HSD17B4: variants seen among roughly 807,000 people sequenced by gnomAD.
HSD17B4 encodes the protein hydroxysteroid 17-beta dehydrogenase 4.
HSD17B4 carries 70 observed loss-of-function variants against 101.0 expected under a neutral mutation model. The observed-to-expected ratio is 0.69, with a 90% CI of 0.57 to 0.85. HSD17B4 has a LOEUF of 0.85. HSD17B4 is among the 40% of genes least tolerant of loss of function. HSD17B4 has a pLI of 0.00. For missense variants in HSD17B4, 984 were observed against 892.4 expected (o/e 1.10, Z -1.31); for synonymous variants, 347 against 297.1 (o/e 1.17, Z -1.73).
In HSD17B4 at chr5:119,496,439, G is replaced by A. The variant is rs1324551202; in HGVS notation, c.869-104G>A. 9.5e-6 allele frequency: 7 copies of A among 740,340 alleles called. No homozygotes were observed. The East Asian group carries it at 1.5e-4, about 16-fold the overall frequency. 45.9% of individuals were successfully genotyped at this position (740,340 alleles called of 1,614,324 possible). ...GAGTGGCAATGGAGGCTCTGTAGCA[G>A]GTTTGCTGAATGTTATAGGAATAAT... is the stretch of plus-strand genomic sequence containing the variant. On this transcript the variant is annotated intron_variant, in intron 11 of 23. Coordinates refer to ENST00000510025, the MANE Select transcript of HSD17B4 (RefSeq NM_000414.4).
chr5:119,511,998 T>C (rs1752217979), intron 16 of HSD17B4, among the ~76,000 whole-genome samples: 2 of 152,170 alleles, frequency 1.3e-5, no homozygotes, highest in South Asian at 4.1e-4. Flanking sequence ...GCTTAAATGT[T>C]ACTAAATATA....
chr5:119,496,717 T>TCTTCCTCCCCTACTTC, intron 12 of HSD17B4, 71 bp downstream of exon 12: 1 of 835,840 alleles, frequency 1.2e-6, no homozygotes, highest in Non-Finnish European at 2.1e-6. Context: ...CTCCCTGCTT[T>TCTTCCTCCCCTACTTC]CTTCCTCCCC....
At chr5:119,488,894 T>C (rs1398427768) in intron 8 of HSD17B4, among the ~76,000 whole-genome samples, 1 of 152,168 alleles carries the variant, frequency 6.6e-6, no homozygotes, top group East Asian at 1.9e-4. Flanking sequence ...AATACAGTTT[T>C]GCTCACCAAT....
At chr5:119,526,123 T>G in intron 19 of HSD17B4, 100 bp downstream of exon 19, 2 of 742,668 alleles carry the variant, frequency 2.7e-6, no homozygotes, top group East Asian at 5.2e-5. Flanking sequence ...GATATTGTAC[T>G]ACAGCAATGT....
intron 1 of HSD17B4, 49 bp downstream of exon 1, chr5:119,452,682 G>A: frequency 6.2e-7 from 1 of 1,611,906 alleles, no homozygotes; most frequent in Non-Finnish European, 8.5e-7. Context: ...GGCGCAGCTG[G>A]CTGCTCTTTT....
Position 119,475,705 on chromosome 5 carries a change from G to T in HSD17B4, c.281-1G>T. 6.3e-7 allele frequency: 1 copy of T among 1,591,626 alleles called. No individual in the cohort carries two copies. Among genetic ancestry groups the T allele is most frequent in the East Asian group, 2.2e-5 (1 of 44,610 alleles). Reference sequence around the variant, plus strand: ...GTAACTTGTATCTTTTTATATTGTAGATGTTGTGGTCAACAATGCTGGGTG... The same window carrying T: ...GTAACTTGTATCTTTTTATATTGTATATGTTGTGGTCAACAATGCTGGGTG... On this transcript the variant is annotated splice_acceptor_variant, in intron 4 of 23. Coordinates refer to ENST00000510025, the MANE Select transcript of HSD17B4 (RefSeq NM_000414.4). LOFTEE classifies it high-confidence loss of function.
At chr5:119,501,281 C>G (rs1201621866) in intron 13 of HSD17B4, among the ~76,000 whole-genome samples, 3 of 150,904 alleles carry the variant, frequency 2.0e-5, no homozygotes, top group African/African-American at 7.3e-5. Context: ...CTTCATTTGT[C>G]TTCTCATCAA....
At chr5:119,505,621 A>G (rs548345660) in intron 14 of HSD17B4, among the ~76,000 whole-genome samples, 2 of 152,216 alleles carry the variant, frequency 1.3e-5, no homozygotes, top group South Asian at 4.1e-4. Flanking sequence ...TTGACTCATT[A>G]TCAGTTCTAG....
At chr5:119,509,645 C>A (rs535010158) in intron 16 of HSD17B4, among the ~76,000 whole-genome samples, 1 of 152,210 alleles carries the variant, frequency 6.6e-6, no homozygotes, top group African/African-American at 2.4e-5. Flanking sequence ...AACAAGGCCC[C>A]AGGAAACTCC....
At chr5:119,452,976 C>T (rs949247026) in intron 1 of HSD17B4, among the ~76,000 whole-genome samples, 10 of 152,356 alleles carry the variant, frequency 6.6e-5, no homozygotes, top group African/African-American at 2.2e-4. Context: ...GCAATTAACT[C>T]TCTTAGATCT....
chr5:119,517,870 A>T lies in HSD17B4; in HGVS notation c.1503+2824A>T, dbSNP rs192877078. On this transcript the variant is annotated intron_variant, in intron 17 of 23. Coordinates refer to ENST00000510025, the MANE Select transcript of HSD17B4 (RefSeq NM_000414.4). ...AGGGTTTGTGAATGCACCAATTGAT[A>T]CTCTGTATTTAGCTACTCTGGTGGG... Among the ~76,000 whole-genome samples, 23 of 152,106 alleles carry T rather than the reference A, an allele frequency of 1.5e-4. No individual in the cohort carries two copies. In the South Asian group the frequency reaches 1.9e-3, roughly 12 times the overall value.
intron 23 of HSD17B4, among the ~76,000 whole-genome samples, chr5:119,537,241 T>C (rs1364766841): frequency 3.9e-5 from 6 of 152,168 alleles, no homozygotes; most frequent in Non-Finnish European, 7.4e-5. Context: ...ATGATTTTCC[T>C]GTATAGAAAG....
At chr5:119,476,630 T>G in intron 6 of HSD17B4, 1 of 985,320 alleles carries the variant, frequency 1.0e-6, no homozygotes, top group Non-Finnish European at 1.2e-6. Context: ...GCTTCCCTTG[T>G]AACAACTGGG....
chr5:119,531,470 C>T, intron 22 of HSD17B4, 66 bp downstream of exon 22: 1 of 1,484,284 alleles, frequency 6.7e-7, no homozygotes, highest in Admixed American at 1.7e-5. Flanking sequence ...ATCTTTTTAA[C>T]AATTAAAGAC....
Position 119,529,948 on chromosome 5 carries a change from A to C in HSD17B4, c.1822A>C (p.Thr608Pro), listed in dbSNP as rs762176769. ...AAATGCATATGTGGATCTTGCACCAACATCTGGTACTTCAGCTAAGACACC... is the reference window on the plus strand; with the variant it reads ...AAATGCATATGTGGATCTTGCACCACCATCTGGTACTTCAGCTAAGACACC... ...ISNAYVDLAP[T>P]SGTSAKTPSE... Residue 608 changes from threonine to proline, a missense_variant, in exon 21 of 24, where the codon ACA becomes CCA. Physicochemically the swap from Thr to Pro is conservative, Grantham distance 38. Coordinates refer to ENST00000510025, the MANE Select transcript of HSD17B4 (RefSeq NM_000414.4). 1 of 1,610,134 alleles carries C rather than the reference A, an allele frequency of 6.2e-7. No homozygotes were observed. Among genetic ancestry groups the C allele is most frequent in the South Asian group, 1.1e-5 (1 of 90,996 alleles).
chr5:119,501,891 T>C, intron 13 of HSD17B4, 150 bp from the exon 14 acceptor site: 1 of 623,678 alleles, frequency 1.6e-6, no homozygotes, highest in South Asian at 2.1e-5. Flanking sequence ...TTCAATCACA[T>C]GATTAAGAAG....
chr5:119,467,223 T>A (rs1332403439), intron 2 of HSD17B4, among the ~76,000 whole-genome samples: 7 of 152,218 alleles, frequency 4.6e-5, no homozygotes, highest in African/African-American at 1.7e-4. Flanking sequence ...TGTGCTGATG[T>A]GTATCTGCAG....
chr5:119,510,145 A>G (rs1042748124), intron 16 of HSD17B4, among the ~76,000 whole-genome samples: 4 of 152,192 alleles, frequency 2.6e-5, no homozygotes, highest in African/African-American at 7.2e-5. Flanking sequence ...TTATGTTTAT[A>G]TATTCTCTGT....
intron 8 of HSD17B4, among the ~76,000 whole-genome samples, chr5:119,480,813 A>G (rs1394858157): frequency 1.3e-5 from 2 of 152,178 alleles, no homozygotes; most frequent in Non-Finnish European, 2.9e-5. Context: ...GGGCCAGTTC[A>G]GAGACCTACC....
Sources: gnomAD v4.1 joint callset for allele counts (sites outside exome capture counted in the v4.1 genomes callset) on GRCh38, gnomAD v4.1.1 for gene constraint, MANE v1.5 for transcripts, NCBI Gene and HGNC (gene_info 2026-07-23, HGNC 2026-07-21) for gene names.